Variants in KCNT2 observed in about 807,000 individuals in gnomAD.
The protein encoded by KCNT2 is potassium channel subfamily T member 2.
A neutral mutation model predicts 153.8 loss-of-function variants in KCNT2; 67 were observed. The ratio of observed to expected loss-of-function variants is 0.44; its 90% CI spans 0.36 to 0.53. KCNT2 has a LOEUF of 0.53. KCNT2 is among the 20% of genes least tolerant of loss of function. KCNT2 has a pLI of 0.00. For missense variants in KCNT2, 975 were observed against 1,354.8 expected (o/e 0.72, Z 4.40); for synonymous variants, 500 against 458.8 (o/e 1.09, Z -1.15).
At chr1:196,374,273 T>C (rs1668766282) in intron 13 of KCNT2, among the ~76,000 whole-genome samples, 1 of 151,770 alleles carries the variant, frequency 6.6e-6, no homozygotes, top group African/African-American at 2.4e-5. Context: ...AATGAATACA[T>C]AACACCATAC....
intron 24 of KCNT2, among the ~76,000 whole-genome samples, chr1:196,281,818 G>C (rs564677359): frequency 6.6e-6 from 1 of 150,776 alleles, no homozygotes; most frequent in African/African-American, 2.4e-5. Flanking sequence ...GTGCAGTGGC[G>C]CGATCTCGGC....
intron 1 of KCNT2, among the ~76,000 whole-genome samples, chr1:196,501,788 TAAAC>T (rs1680720640): frequency 6.6e-6 from 1 of 152,060 alleles, no homozygotes; most frequent in African/African-American, 2.4e-5. Context: ...TTGTAAAAAA[TAAAC>T]AAGTAAGCCT....
intron 26 of KCNT2, among the ~76,000 whole-genome samples, chr1:196,242,199 C>T (rs1270362956): frequency 6.6e-6 from 1 of 152,046 alleles, no homozygotes; most frequent in Non-Finnish European, 1.5e-5. Context: ...AGATTGTCTT[C>T]ATAGTAAGGA....
At chr1:196,364,287 T>C (rs977774532) in intron 14 of KCNT2, among the ~76,000 whole-genome samples, 18 of 152,154 alleles carry the variant, frequency 1.2e-4, no homozygotes, top group Admixed American at 1.1e-3. Flanking sequence ...TTAAAAGGTT[T>C]TTAAAATGTC....
At chr1:196,257,445 T>A in intron 26 of KCNT2, 1 of 975,420 alleles carries the variant, frequency 1.0e-6, no homozygotes, top group Non-Finnish European at 1.2e-6. Context: ...CTATCTGAGT[T>A]CCTGGTTTAC....
chr1:196,398,491 A>G (rs1411130764), intron 13 of KCNT2, 72 bp downstream of exon 13: 1 of 729,270 alleles, frequency 1.4e-6, no homozygotes, highest in African/African-American at 1.8e-5. Flanking sequence ...CACTTAGTTC[A>G]GAGACTTAAC....
chr1:196,272,969 C>T (rs755535371), intron 25 of KCNT2, among the ~76,000 whole-genome samples: 19 of 151,744 alleles, frequency 1.3e-4, no homozygotes, highest in Non-Finnish European at 8.8e-5. Flanking sequence ...CTTAAGACGT[C>T]TCACTATAAT....
chr1:196,478,774 T>C (rs1488905625), intron 5 of KCNT2, among the ~76,000 whole-genome samples: 1 of 152,178 alleles, frequency 6.6e-6, no homozygotes, highest in Non-Finnish European at 1.5e-5. Context: ...GCTCAATAAA[T>C]ACTTGTTAAA....
intron 8 of KCNT2, among the ~76,000 whole-genome samples, chr1:196,447,252 C>T (rs912194703): frequency 1.3e-5 from 2 of 151,578 alleles, no homozygotes; most frequent in South Asian, 2.1e-4. Flanking sequence ...TATTACAGAG[C>T]AGTTGGTGGT....
chr1:196,346,480 T>C (rs1217991877), intron 14 of KCNT2, among the ~76,000 whole-genome samples: 1 of 152,182 alleles, frequency 6.6e-6, no homozygotes, highest in Admixed American at 6.6e-5. Context: ...GAGGTACATA[T>C]AATTTCTAGC....
chr1:196,305,693 T>C (rs1330656313), intron 21 of KCNT2, among the ~76,000 whole-genome samples: 1 of 152,146 alleles, frequency 6.6e-6, no homozygotes, highest in East Asian at 1.9e-4. Context: ...CAGAAATCTA[T>C]AAAGATAAAT....
intron 25 of KCNT2, among the ~76,000 whole-genome samples, chr1:196,267,123 C>T (rs1363509942): frequency 1.3e-5 from 2 of 152,328 alleles, no homozygotes; most frequent in Admixed American, 1.3e-4. Context: ...AACAATCCCT[C>T]TGCAGGCAGA....
At chr1:196,586,602 C>T (rs1457839822) in intron 1 of KCNT2, among the ~76,000 whole-genome samples, 1 of 151,920 alleles carries the variant, frequency 6.6e-6, no homozygotes, top group Non-Finnish European at 1.5e-5. Flanking sequence ...TATTGGAAAA[C>T]CCAATATCAA....
chr1:196,258,986 C>A (rs1403087112), intron 25 of KCNT2, among the ~76,000 whole-genome samples: 1 of 152,096 alleles, frequency 6.6e-6, no homozygotes, highest in Admixed American at 6.6e-5. Flanking sequence ...ACAGCACTGG[C>A]ATGAACGTTA....
chr1:196,569,360 AGT>A (rs1396682553), intron 1 of KCNT2, among the ~76,000 whole-genome samples: 2 of 152,188 alleles, frequency 1.3e-5, no homozygotes, highest in Non-Finnish European at 2.9e-5. Flanking sequence ...AATATTTGGC[AGT>A]GTCTGTTCCT....
At chr1:196,384,897 C>T (rs994519889) in intron 13 of KCNT2, among the ~76,000 whole-genome samples, 9 of 151,958 alleles carry the variant, frequency 5.9e-5, no homozygotes, top group African/African-American at 2.2e-4. Flanking sequence ...TCTTCATTCC[C>T]TCTTCCTCCC....
At chr1:196,568,687 C>T (rs911958885) in intron 1 of KCNT2, among the ~76,000 whole-genome samples, 6 of 151,766 alleles carry the variant, frequency 4.0e-5, no homozygotes, top group African/African-American at 1.5e-4. Flanking sequence ...GGCAACTCAC[C>T]TCCTGCTGTG....
At chr1:196,478,973 A>G (rs1572589676) in intron 5 of KCNT2, among the ~76,000 whole-genome samples, 1 of 152,230 alleles carries the variant, frequency 6.6e-6, no homozygotes, top group Non-Finnish European at 1.5e-5. Context: ...AAGTAAACCC[A>G]TAGGAACTAG....
At position 196,505,596 on chromosome 1, in the gene KCNT2, G is replaced by A. The variant is rs114990940; in HGVS notation, c.96-13255C>T. On this transcript the variant is annotated intron_variant, in intron 1 of 27. Transcript: ENST00000294725. ...TTTTTTGGTACCATATGAATTTTAA[G>A]GTAGTTTCTTCCAATTCTGTGAAGA... is the stretch of plus-strand genomic sequence containing the variant. Among the ~76,000 whole-genome samples the A allele has an allele frequency of 6.6e-3, 1,003 of 152,136 alleles. 7 individuals carry two copies. The highest frequency in any genetic ancestry group is 0.01 in the Non-Finnish European group (706 of 67,964).
Sources: gnomAD v4.1 joint callset for allele counts (sites outside exome capture counted in the v4.1 genomes callset) on GRCh38, gnomAD v4.1.1 for gene constraint, MANE v1.5 for transcripts, NCBI Gene and HGNC (gene_info 2026-07-23, HGNC 2026-07-21) for gene names.